The following USP13 variants were observed in gnomAD, a reference collection of about 807,000 sequenced individuals.
USP13 encodes the protein ubiquitin carboxyl-terminal hydrolase 13.
In USP13, 68 loss-of-function variants were observed where a neutral mutation model predicts 107.8. The ratio of observed to expected loss-of-function variants is 0.63; its 90% CI spans 0.52 to 0.77. The LOEUF (loss-of-function observed/expected upper bound fraction) is 0.77. Among genes scored for constraint, USP13 ranks in the 30% least tolerant of loss-of-function variants. The probability of loss-of-function intolerance (pLI) is 0.00; values close to 1 mark genes in which losing one functional copy is unlikely to be tolerated. For synonymous variants in USP13, 377 were observed against 389.5 expected (o/e 0.97, Z 0.38); for missense variants, 945 against 1,093.3 (o/e 0.86, Z 1.91).
At position 179,736,294 on chromosome 3, in the gene USP13, G is replaced by A. The variant is rs148504931; in HGVS notation, c.1255-3953G>A. Among the ~76,000 whole-genome samples the A allele has an allele frequency of 9.1e-3, 1,392 of 152,264 alleles. 15 individuals carry two copies. The highest frequency in any genetic ancestry group is 0.014 in the South Asian group (67 of 4,822). ...TTGGTATAAGGTCGCTAGATCTGGA[G>A]GCTTCATGAGATTCAGGCTCAACTT... is the stretch of plus-strand genomic sequence containing the variant. On this transcript the variant is annotated intron_variant, in intron 10 of 20. Coordinates refer to ENST00000263966, the MANE Select transcript of USP13 (RefSeq NM_003940.3).
intron 19 of USP13, among the ~76,000 whole-genome samples, chr3:179,777,882 G>C (rs1715603574): frequency 6.6e-6 from 1 of 152,072 alleles, no homozygotes; most frequent in Admixed American, 6.5e-5. Flanking sequence ...AGCCAACAGG[G>C]GCCAAGAAAC....
chr3:179,767,337 T>C (rs1045016684), intron 19 of USP13, among the ~76,000 whole-genome samples: 6 of 152,116 alleles, frequency 3.9e-5, no homozygotes, highest in African/African-American at 1.4e-4. Context: ...GTCTCATAGC[T>C]AGTGATGGAT....
chr3:179,659,327 T>C (rs1465081563), intron 1 of USP13, among the ~76,000 whole-genome samples: 1 of 152,226 alleles, frequency 6.6e-6, no homozygotes, highest in African/African-American at 2.4e-5. Context: ...TGGTATTCTC[T>C]CAGGCATTGC....
chr3:179,740,319 A>C lies in USP13; in HGVS notation c.1327A>C (p.Asn443His). The C allele has an allele frequency of 6.2e-7, 1 of 1,614,118 alleles. No homozygotes were observed. Among genetic ancestry groups the C allele is most frequent in the South Asian group, 1.1e-5 (1 of 91,066 alleles). Residue 443 changes from asparagine to histidine, a missense_variant, in exon 11 of 21, where the codon AAC becomes CAC. Physicochemically the swap from Asn to His is moderately conservative, Grantham distance 68. Coordinates refer to ENST00000263966, the MANE Select transcript of USP13 (RefSeq NM_003940.3). ...VSKSHPEFSSNRQQDAQEFFL... is the reference protein window; with the variant it reads ...VSKSHPEFSSHRQQDAQEFFL... The stretch of plus-strand genomic sequence containing the variant: ...CAAGAGCCACCCGGAATTCTCCTCT[A>C]ACAGGCAGCAAGATGCCCAGGAATT...
At chr3:179,774,674 G>A (rs751811554) in intron 19 of USP13, among the ~76,000 whole-genome samples, 6 of 152,212 alleles carry the variant, frequency 3.9e-5, no homozygotes, top group Non-Finnish European at 7.3e-5. Flanking sequence ...TTATTGCAAA[G>A]AGCAAAAGAA....
At chr3:179,675,932 G>T (rs1473621907) in intron 1 of USP13, among the ~76,000 whole-genome samples, 1 of 152,030 alleles carries the variant, frequency 6.6e-6, no homozygotes, top group Non-Finnish European at 1.5e-5. Flanking sequence ...ATATGGTTTG[G>T]CTGTGTCCCC....
At chr3:179,739,541 CTCATTTATTTATTCAT>C (rs1266138205) in intron 10 of USP13, among the ~76,000 whole-genome samples, 1 of 152,164 alleles carries the variant, frequency 6.6e-6, no homozygotes. Flanking sequence ...GAGCTCTCCT[CTCATTTATTTATTCAT>C]TCATTTATTT....
At chr3:179,770,860 C>G (rs1028969168) in intron 19 of USP13, among the ~76,000 whole-genome samples, 2 of 152,104 alleles carry the variant, frequency 1.3e-5, no homozygotes, top group Non-Finnish European at 2.9e-5. Flanking sequence ...CCTGCCTTGG[C>G]CTCCCAAAGT....
chr3:179,696,535 GT>G (rs1712334477), intron 3 of USP13, among the ~76,000 whole-genome samples: 1 of 152,096 alleles, frequency 6.6e-6, no homozygotes, highest in African/African-American at 2.4e-5. Flanking sequence ...GTTTCGCCAT[GT>G]TGGCAAAACC....
intron 2 of USP13, 68 bp from the exon 3 acceptor site, chr3:179,690,173 G>A: frequency 1.4e-6 from 2 of 1,467,684 alleles, no homozygotes; most frequent in Non-Finnish European, 1.9e-6. Flanking sequence ...CCTCTGAGAT[G>A]TGCTTTTCCC....
At chr3:179,730,382 A>C in intron 9 of USP13, 122 bp downstream of exon 9, 1 of 1,107,268 alleles carries the variant, frequency 9.0e-7, no homozygotes, top group Non-Finnish European at 1.3e-6. Context: ...AAAGTGTTCC[A>C]AAATGAGAAT....
chr3:179,707,904 G>C (rs1712780454), intron 5 of USP13, among the ~76,000 whole-genome samples: 1 of 152,218 alleles, frequency 6.6e-6, no homozygotes, highest in South Asian at 2.1e-4. Flanking sequence ...TAAAAATAGA[G>C]ATGGTAATAC....
chr3:179,680,821 A>ACTTTCTTTCTTCTATCT (rs1560046343), intron 1 of USP13, among the ~76,000 whole-genome samples: 8 of 147,130 alleles, frequency 5.4e-5, no homozygotes, highest in Admixed American at 2.1e-4. Flanking sequence ...GATTACAGGC[A>ACTTTCTTTCTTCTATCT]TGAGTCACCG....
At chr3:179,741,443 T>C (rs1451777783) in intron 11 of USP13, among the ~76,000 whole-genome samples, 2 of 152,180 alleles carry the variant, frequency 1.3e-5, no homozygotes, top group African/African-American at 4.8e-5. Flanking sequence ...TTATCATTTA[T>C]TAGTGATAAC....
chr3:179,728,503 C>A (rs1713657166), intron 8 of USP13, among the ~76,000 whole-genome samples: 1 of 148,876 alleles, frequency 6.7e-6, no homozygotes, highest in Admixed American at 6.7e-5. Context: ...CCAGACTGGG[C>A]AGCCAGGCAG....
At chr3:179,730,094 G>T in intron 8 of USP13, 95 bp from the exon 9 acceptor site, 2 of 1,136,808 alleles carry the variant, frequency 1.8e-6, no homozygotes, top group Non-Finnish European at 2.6e-6. Flanking sequence ...GTTTGACAAA[G>T]GGGCAAGAAG....
chr3:179,697,660 A>G (rs886121579), intron 3 of USP13, among the ~76,000 whole-genome samples: 2 of 152,130 alleles, frequency 1.3e-5, no homozygotes, highest in Non-Finnish European at 2.9e-5. Flanking sequence ...ATTACTCTGT[A>G]GCTTCTTCAA....
intron 19 of USP13, among the ~76,000 whole-genome samples, chr3:179,775,058 G>C (rs927587502): frequency 6.6e-6 from 1 of 151,898 alleles, no homozygotes; most frequent in South Asian, 2.1e-4. Flanking sequence ...ACAGAGTGCT[G>C]ATTGGTGCAT....
intron 14 of USP13, among the ~76,000 whole-genome samples, 184 bp downstream of exon 14, chr3:179,752,557 C>T (rs1204051985): frequency 6.6e-6 from 1 of 152,184 alleles, no homozygotes. Context: ...ATCTGCTTAC[C>T]CACCCCTCCA....
Sources: allele counts gnomAD v4.1 joint callset (sites outside exome capture counted in the v4.1 genomes callset), GRCh38; gene constraint gnomAD v4.1.1; transcripts MANE v1.5; gene names NCBI Gene and HGNC (gene_info 2026-07-23, HGNC 2026-07-21).